Variants in RBFOX1 observed in about 807,000 individuals in gnomAD.
RBFOX1 encodes RNA binding protein fox-1 homolog 1.
In RBFOX1, 8 loss-of-function variants were observed where a neutral mutation model predicts 57.7. The ratio of observed to expected loss-of-function variants is 0.14; its 90% CI spans 0.08 to 0.25. RBFOX1 has a LOEUF of 0.25. Ranked by LOEUF, RBFOX1 falls within the 10% of genes least tolerant of loss-of-function variation. RBFOX1 has a pLI of 1.00. For synonymous variants in RBFOX1, 326 were observed against 222.4 expected, an observed-to-expected ratio of 1.47 and a Z score of -4.15; for missense variants, 611 against 548.5, an observed-to-expected ratio of 1.11 and a Z score of -1.14.
intron 3 of RBFOX1, among the ~76,000 whole-genome samples, chr16:6,917,738 A>C (rs765348169): frequency 2.0e-5 from 3 of 152,148 alleles, no homozygotes; most frequent in African/African-American, 7.2e-5. Flanking sequence ...CGGCATTCCA[A>C]GTGGACATAT....
At chr16:5,537,976 G>T (rs2044766924) in intron 2 of RBFOX1, among the ~76,000 whole-genome samples, 1 of 152,160 alleles carries the variant, frequency 6.6e-6, no homozygotes, top group African/African-American at 2.4e-5. Context: ...ACTAGGAGGT[G>T]TGACTCCCAG....
At chr16:5,454,759 C>CCTTTTCTTTTCTTTTCT (rs1443026348) in intron 1 of RBFOX1, among the ~76,000 whole-genome samples, 9 of 75,970 alleles carry the variant, frequency 1.2e-4, no homozygotes, top group South Asian at 7.9e-4. Flanking sequence ...CTTTTCTTTT[C>CCTTTTCTTTTCTTTTCT]TTTCTTTCTC....
chr16:5,516,397 C>T (rs1351265180), intron 2 of RBFOX1, among the ~76,000 whole-genome samples: 1 of 152,130 alleles, frequency 6.6e-6, no homozygotes, highest in Non-Finnish European at 1.5e-5. Flanking sequence ...TCTTGTCTCC[C>T]ATCACCTCTT....
At chr16:6,668,860 G>A (rs530137283) in intron 3 of RBFOX1, among the ~76,000 whole-genome samples, 1 of 152,172 alleles carries the variant, frequency 6.6e-6, no homozygotes, top group South Asian at 2.1e-4. Context: ...TTTAAACTCT[G>A]AATTAAAATG....
intron 1 of RBFOX1, among the ~76,000 whole-genome samples, chr16:6,286,445 C>G (rs77929603): frequency 0.014 from 2,110 of 152,326 alleles, 36 homozygotes; most frequent in East Asian, 0.045. Context: ...CTCAAAGTCT[C>G]TGAGCATCCC....
At chr16:5,717,450 T>A (rs1167049416) in intron 3 of RBFOX1, among the ~76,000 whole-genome samples, 1 of 152,212 alleles carries the variant, frequency 6.6e-6, no homozygotes, top group African/African-American at 2.4e-5. Flanking sequence ...GGTGCACCCA[T>A]CACCCAAGCA....
chr16:5,878,877 T>G (rs997674375), intron 4 of RBFOX1, among the ~76,000 whole-genome samples: 6 of 152,170 alleles, frequency 3.9e-5, no homozygotes, highest in African/African-American at 9.7e-5. Flanking sequence ...GGTAAACTCT[T>G]TTAGTGTCTT....
chr16:6,156,779 C>G (rs970859302), intron 1 of RBFOX1, among the ~76,000 whole-genome samples: 1 of 152,086 alleles, frequency 6.6e-6, no homozygotes, highest in Non-Finnish European at 1.5e-5. Context: ...TTGTGTTACT[C>G]GTAACTGGGC....
intron 4 of RBFOX1, among the ~76,000 whole-genome samples, chr16:7,495,215 C>T (rs1050468639): frequency 1.3e-5 from 2 of 152,066 alleles, no homozygotes; most frequent in African/African-American, 4.8e-5. Flanking sequence ...ATCCAGTCCA[C>T]CGCTGATACA....
chr16:5,917,983 C>T (rs1254771305), intron 4 of RBFOX1, among the ~76,000 whole-genome samples: 1 of 152,164 alleles, frequency 6.6e-6, no homozygotes, highest in Non-Finnish European at 1.5e-5. Context: ...ATGCTCTCCC[C>T]ACCTCTCAGA....
At chr16:5,993,100 A>C (rs1362849430) in intron 4 of RBFOX1, among the ~76,000 whole-genome samples, 3 of 152,142 alleles carry the variant, frequency 2.0e-5, no homozygotes, top group Non-Finnish European at 4.4e-5. Flanking sequence ...ATCCTGTCTA[A>C]AACTGAAAGA....
intron 2 of RBFOX1, among the ~76,000 whole-genome samples, chr16:6,428,869 T>A (rs993970126): frequency 2.0e-5 from 3 of 152,202 alleles, no homozygotes; most frequent in African/African-American, 7.2e-5. Flanking sequence ...TGATTGTTTG[T>A]TTTACTAGAG....
chr16:7,132,433 G>GACACACAC (rs36226659), intron 4 of RBFOX1, among the ~76,000 whole-genome samples: 3 of 144,804 alleles, frequency 2.1e-5, no homozygotes, highest in Non-Finnish European at 3.0e-5. Flanking sequence ...GTGATACACA[G>GACACACAC]ACACACACAC....
At chr16:6,722,707 T>A (rs1209830698) in intron 3 of RBFOX1, among the ~76,000 whole-genome samples, 1 of 152,218 alleles carries the variant, frequency 6.6e-6, no homozygotes, top group Non-Finnish European at 1.5e-5. Context: ...AACCCATAAT[T>A]AAATGATTTG....
intron 4 of RBFOX1, among the ~76,000 whole-genome samples, chr16:7,193,461 C>G (rs2085924279): frequency 6.6e-6 from 1 of 152,204 alleles, no homozygotes; most frequent in Non-Finnish European, 1.5e-5. Flanking sequence ...TTAAAGCCAT[C>G]ATGTTTGAGG....
At chr16:5,726,070 C>T (rs2052140372) in intron 3 of RBFOX1, among the ~76,000 whole-genome samples, 1 of 151,822 alleles carries the variant, frequency 6.6e-6, no homozygotes, top group Non-Finnish European at 1.5e-5. Context: ...TTCTTTTCTC[C>T]ACTTTTATTA....
chr16:6,433,118 A>AT (rs1183604171), intron 2 of RBFOX1, among the ~76,000 whole-genome samples: 1 of 152,228 alleles, frequency 6.6e-6, no homozygotes, highest in Non-Finnish European at 1.5e-5. Context: ...GATGGAAGCC[A>AT]TTGCAGCAGT....
chr16:5,326,975 C>T (rs1048904364), intron 1 of RBFOX1, among the ~76,000 whole-genome samples: 1 of 152,168 alleles, frequency 6.6e-6, no homozygotes, highest in Non-Finnish European at 1.5e-5. Context: ...CACAAACATC[C>T]GTTCTTTGTA....
intron 4 of RBFOX1, among the ~76,000 whole-genome samples, chr16:7,376,296 C>G (rs1006493079): frequency 6.6e-6 from 1 of 152,162 alleles, no homozygotes; most frequent in African/African-American, 2.4e-5. Flanking sequence ...ATTAGCAGCT[C>G]AGCTTTATTA....
Sources: allele counts gnomAD v4.1 joint callset (sites outside exome capture counted in the v4.1 genomes callset), GRCh38; gene constraint gnomAD v4.1.1; transcripts MANE v1.5; gene names NCBI Gene and HGNC (gene_info 2026-07-23, HGNC 2026-07-21).